Variants in NR4A1 observed in about 807,000 individuals in gnomAD.
The protein encoded by NR4A1 is nuclear receptor subfamily 4immunitygroup A member 1.
In NR4A1, 24 loss-of-function variants were observed where a neutral mutation model predicts 47.5. That is an observed-to-expected ratio of 0.50 (90% CI 0.37 to 0.71). The LOEUF (loss-of-function observed/expected upper bound fraction) is 0.71, where lower values mean the gene tolerates loss of function less well. Among genes scored for constraint, NR4A1 ranks in the 30% least tolerant of loss-of-function variants. NR4A1 has a pLI of 0.00. For synonymous variants in NR4A1, 353 were observed against 345.7 expected (o/e 1.02, Z -0.24); for missense variants, 669 against 788.6 (o/e 0.85, Z 1.82).
rs758466464 is a variant in NR4A1, at chr12:52,058,893, G to T, written c.1746G>T (p.Val582=). ...TCTACCTCAAGCTGGAGGACTTGGT[G>T]CCCCCTCCACCCATCATTGACAAGA... ...RIFYLKLEDL[V]PPPPIIDKIF... is the part of the protein sequence containing the mutation. The change falls in exon 7 of 7, where the codon GTG becomes GTT. Residue 582 remains valine, a synonymous_variant. Transcript: ENST00000394825. 6.2e-7 allele frequency: 1 copy of T among 1,614,010 alleles called. No individual in the cohort carries two copies. The highest frequency in any genetic ancestry group is 1.1e-5 in the South Asian group (1 of 91,084).
intron 4 of NR4A1, 131 bp downstream of exon 4, chr12:52,056,776 G>A: frequency 2.1e-6 from 2 of 965,882 alleles, no homozygotes; most frequent in Non-Finnish European, 3.0e-6. Context: ...AGAAAGAAAA[G>A]CGACTCCCTC....
intron 1 of NR4A1, among the ~76,000 whole-genome samples, chr12:52,028,444 C>T (rs1448576109): frequency 2.0e-5 from 3 of 150,330 alleles, no homozygotes; most frequent in Non-Finnish European, 3.0e-5. Context: ...CGTGGTGGCT[C>T]ATGCCTGTAG....
chr12:52,059,135 C>T lies in NR4A1; in HGVS notation c.*191C>T. 1.4e-6 allele frequency: 1 copy of T among 701,594 alleles called. No homozygotes were observed. 43.5% of individuals were successfully genotyped at this position (701,594 alleles called of 1,614,324 possible). A position where few individuals can be genotyped will look rare whatever the true frequency, so the allele number is the denominator to read the frequency against. On this transcript the variant is annotated 3_prime_UTR_variant, in exon 7 of 7. Transcript: ENST00000394825. ...GGGGGATGCCTTCATGGGGGTGACC[C>T]CACGATTTGTCTTATCCCCCCCAGC...
intron 2 of NR4A1, chr12:52,042,024 G>A: frequency 8.2e-7 from 1 of 1,221,488 alleles, no homozygotes; most frequent in Non-Finnish European, 1.0e-6. Context: ...GATGTGGTTA[G>A]GGGGATGGAG....
At chr12:52,057,585 G>C (rs1939343508) in intron 6 of NR4A1, 55 bp downstream of exon 6, 2 of 1,596,144 alleles carry the variant, frequency 1.3e-6, no homozygotes, top group Admixed American at 1.7e-5. Flanking sequence ...GGGGTTGACT[G>C]GTTCTCAGGA....
chr12:52,044,991 G>A (rs531304753), intron 2 of NR4A1, among the ~76,000 whole-genome samples: 9 of 152,018 alleles, frequency 5.9e-5, no homozygotes, highest in Non-Finnish European at 1.2e-4. Flanking sequence ...GGAGGGAGGG[G>A]TAGAGAAATC....
upstream of NR4A1, among the ~76,000 whole-genome samples, chr12:52,046,575 C>A (rs1938650663): frequency 6.6e-6 from 1 of 152,190 alleles, no homozygotes; most frequent in Non-Finnish European, 1.5e-5. Context: ...TAATGAGAAA[C>A]AGCCACTGTG....
chr12:52,033,323 T>A (rs1360277115), intron 1 of NR4A1, among the ~76,000 whole-genome samples: 1 of 152,224 alleles, frequency 6.6e-6, no homozygotes, highest in Non-Finnish European at 1.5e-5. Context: ...GAAGCCGTCG[T>A]CGGAGGATGA....
intron 1 of NR4A1, chr12:52,052,590 C>T (rs1939042242): frequency 1.0e-6 from 1 of 985,628 alleles, no homozygotes; most frequent in Non-Finnish European, 1.2e-6. Context: ...CTGCCTCCTT[C>T]AACCCCGCCT....
chr12:52,056,931 C>T, intron 4 of NR4A1, 126 bp from the exon 5 acceptor site: 2 of 961,888 alleles, frequency 2.1e-6, no homozygotes, highest in Admixed American at 2.6e-5. Context: ...CAAGTGAGAG[C>T]CTGGGCAGGA....
rs754283631 is a variant in NR4A1, at chr12:52,054,550, A to T, written c.222A>T (p.Thr74=). ...FDTFLYQLPG[T]VQPCSSASSS... is the part of the protein sequence containing the mutation. ...CCTTCCTCTACCAGCTGCCAGGAAC[A>T]GTCCAGCCATGCTCCTCAGCCTCCT... The change falls in exon 2 of 7, where the codon ACA becomes ACT. Residue 74 remains threonine (T), a synonymous_variant. Coordinates refer to ENST00000394825, the MANE Select transcript of NR4A1 (RefSeq NM_173157.3). 6.2e-7 allele frequency: 1 copy of T among 1,614,054 alleles called. No homozygotes were observed. The highest frequency in any genetic ancestry group is 2.2e-5 in the East Asian group (1 of 44,882).
intron 1 of NR4A1, chr12:52,038,085 G>T (rs1258752899): frequency 2.0e-4 from 189 of 947,640 alleles, no homozygotes; most frequent in Non-Finnish European, 2.3e-4. Flanking sequence ...TTTTTTTTGA[G>T]ATGGAGTCTC....
intron 1 of NR4A1, among the ~76,000 whole-genome samples, chr12:52,040,122 T>C (rs1447809852): frequency 2.6e-5 from 4 of 152,220 alleles, no homozygotes; most frequent in Admixed American, 2.6e-4. Flanking sequence ...CCTGGGGCTC[T>C]GGGATCTTGG....
In NR4A1 at chr12:52,056,010, C is replaced by T. The variant is rs754586523; in HGVS notation, c.877-20C>T. 3.9e-5 allele frequency: 48 copies of T among 1,235,944 alleles called. 1 individual carries two copies. In the South Asian group the frequency reaches 6.7e-4, roughly 17 times the overall value. 76.6% of individuals were successfully genotyped at this position (1,235,944 alleles called of 1,614,324 possible). ...CACCCCACACTCTGACAGCTTGTTC[C>T]GTGTTGCCCCCCCACCCAGCGCACA... On this transcript the variant is annotated intron_variant, in intron 2 of 6. Coordinates refer to ENST00000394825, the MANE Select transcript of NR4A1 (RefSeq NM_173157.3).
intron 2 of NR4A1, among the ~76,000 whole-genome samples, chr12:52,042,362 A>G (rs1303439531): frequency 6.6e-6 from 1 of 151,972 alleles, no homozygotes; most frequent in Non-Finnish European, 1.5e-5. Context: ...GAGTGCATGA[A>G]GGGAAGGCTG....
intron 2 of NR4A1, among the ~76,000 whole-genome samples, chr12:52,042,436 C>T (rs1416784756): frequency 6.6e-6 from 1 of 152,060 alleles, no homozygotes; most frequent in East Asian, 1.9e-4. Flanking sequence ...GGCCAGAGGG[C>T]CTATGGAGTC....
In NR4A1 at chr12:52,044,356, C is replaced by T. The variant is rs575189445; in HGVS notation, c.37+2427C>T. On this transcript the variant is annotated intron_variant, in intron 2 of 7. Transcript: ENST00000360284. ...TGAGCCCTCAGTCCCTGGCCTGCCC[C>T]GCTTGCCGGGCCCTTGCCCGGCCTC... is the stretch of plus-strand genomic sequence containing the variant. Among the ~76,000 whole-genome samples the T allele has an allele frequency of 9.2e-5, 14 of 152,312 alleles. 1 individual carries two copies. Among genetic ancestry groups the T allele is most frequent in the South Asian group, 8.3e-4 (4 of 4,826 alleles).
In NR4A1 at chr12:52,036,934, C is replaced by T. The variant is rs116174752; in HGVS notation, c.-83-4876C>T. ...GAAGGTGTGAGCGAGACCTCGGCAC[C>T]CTCACCTGAGAACCAGCTCCCCGGC... On this transcript the variant is annotated intron_variant, in intron 1 of 7. Coordinates refer to the NR4A1 transcript ENST00000360284. Among the ~76,000 whole-genome samples, 310 of 152,328 alleles carry T rather than the reference C, an allele frequency of 2.0e-3. 3 individuals carry two copies. The highest frequency in any genetic ancestry group is 7.0e-3 in the African/African-American group (291 of 41,582).
chr12:52,054,314 C>T lies in NR4A1; in HGVS notation c.-2-13C>T, dbSNP rs78881267. Reference sequence around the variant, plus strand: ...ACTCTCCTTTCCCTCCCTGGGGTCTCCTCTCTCTCCAGAGATGCCCTGTAT... The same window carrying T: ...ACTCTCCTTTCCCTCCCTGGGGTCTTCTCTCTCTCCAGAGATGCCCTGTAT... On this transcript the variant is annotated splice_polypyrimidine_tract_variant and intron_variant, in intron 1 of 6. Transcript: ENST00000394825. The T allele has an allele frequency of 6.9e-4, 1,093 of 1,589,292 alleles. 8 individuals are homozygous for T. The African/African-American group carries it at 0.013, about 19-fold the overall frequency.
Sources: gnomAD v4.1 joint callset for allele counts (sites outside exome capture counted in the v4.1 genomes callset) on GRCh38, gnomAD v4.1.1 for gene constraint, MANE v1.5 for transcripts, NCBI Gene and HGNC (gene_info 2026-07-23, HGNC 2026-07-21) for gene names.